The following IRAK3 variants were observed in gnomAD, a reference collection of about 807,000 sequenced individuals.
IRAK3 encodes the protein interleukin-1 receptor-associated kinase 3.
In IRAK3, 57 loss-of-function variants were observed where a neutral mutation model predicts 56.6. The ratio of observed to expected loss-of-function variants is 1.01; its 90% CI spans 0.81 to 1.26. The LOEUF (loss-of-function observed/expected upper bound fraction) is 1.26. IRAK3 is among the 50% of genes most tolerant of loss of function. The pLI is 0.00. For missense variants in IRAK3, 703 were observed against 719.0 expected, an observed-to-expected ratio of 0.98 and a Z score of 0.25; for synonymous variants, 258 against 255.7, an observed-to-expected ratio of 1.01 and a Z score of -0.09.
rs138350038 is a variant in IRAK3 at position 66,197,913 on chromosome 12, C to CA, written c.134-5788dup. 19,051 of 819,476 alleles carry CA rather than the reference C, an allele frequency of 0.023. 1,623 individuals carry two copies. The African/African-American group carries it at 0.27, about 11-fold the overall frequency. 50.8% of individuals were successfully genotyped at this position (819,476 alleles called of 1,614,324 possible). A position where few individuals can be genotyped will look rare whatever the true frequency, so the allele number is the denominator to read the frequency against. On this transcript the variant is annotated intron_variant, in intron 1 of 11. Transcript: ENST00000261233. ...ACTTTTAAAAGGGAAATTCAGGAATCAAAAAAAAAACAAACAGAGAATGGA... is the reference window on the plus strand; with the variant it reads ...ACTTTTAAAAGGGAAATTCAGGAATCAAAAAAAAAAACAAACAGAGAATGGA...
At chr12:66,233,790 T>C (rs1407267062) in intron 8 of IRAK3, among the ~76,000 whole-genome samples, 1 of 148,056 alleles carries the variant, frequency 6.8e-6, no homozygotes, top group African/African-American at 2.5e-5. Context: ...CTTTTTCTTT[T>C]TTTTTTTTGC....
intron 8 of IRAK3, among the ~76,000 whole-genome samples, chr12:66,232,116 TA>T (rs2052850230): frequency 6.6e-6 from 1 of 152,164 alleles, no homozygotes; most frequent in African/African-American, 2.4e-5. Context: ...ACAAGAATAT[TA>T]TGGAAGAGAC....
chr12:66,197,440 T>C (rs910640021), intron 1 of IRAK3: 1 of 984,298 alleles, frequency 1.0e-6, no homozygotes, highest in African/African-American at 1.7e-5. Flanking sequence ...TTTATAGAAT[T>C]GGATCTAAAT....
At chr12:66,193,934 G>A (rs2052424326) in intron 1 of IRAK3, among the ~76,000 whole-genome samples, 1 of 152,152 alleles carries the variant, frequency 6.6e-6, no homozygotes, top group South Asian at 2.1e-4. Flanking sequence ...TTGTGTTGCT[G>A]TTGTTGTTTT....
Position 66,213,198 on chromosome 12 carries a change from T to G in IRAK3, c.588+1601T>G, listed in dbSNP as rs187383539. Among the ~76,000 whole-genome samples, 806 of 152,228 alleles carry G rather than the reference T, an allele frequency of 5.3e-3. 19 individuals carry two copies. Among genetic ancestry groups the G allele is most frequent in the African/African-American group, 0.019 (775 of 41,524 alleles). On this transcript the variant is annotated intron_variant, in intron 5 of 11. Coordinates refer to ENST00000261233, the MANE Select transcript of IRAK3 (RefSeq NM_007199.3). ...AAGTTGTGCAGGGAAACTCCCATTTTTAAAACCATCAGATCTTGTGAGACT... is the reference window on the plus strand; with the variant it reads ...AAGTTGTGCAGGGAAACTCCCATTTGTAAAACCATCAGATCTTGTGAGACT...
In IRAK3 at chr12:66,250,589, A is replaced by T. The variant is rs2053088889; in HGVS notation, c.*2418A>T. On this transcript the variant is annotated 3_prime_UTR_variant, in exon 12 of 12. Transcript: ENST00000261233. ...CAGAGCTCTCTGATTCACAAAAGAG[A>T]TCATCAAGAATTGACTCTGTGTTAA... is the stretch of plus-strand genomic sequence containing the variant. 6.6e-6 allele frequency: 1 copy of T among 152,218 alleles called. No homozygotes were observed. 9.4% of individuals were successfully genotyped at this position (152,218 alleles called of 1,614,324 possible). A position where few individuals can be genotyped will look rare whatever the true frequency, so the allele number is the denominator to read the frequency against.
At chr12:66,219,464 GT>G (rs1390169746) in intron 6 of IRAK3, among the ~76,000 whole-genome samples, 2 of 152,206 alleles carry the variant, frequency 1.3e-5, no homozygotes, top group Non-Finnish European at 2.9e-5. Flanking sequence ...CACCATGATT[GT>G]GGGGCATCCC....
At chr12:66,246,192 G>T (rs559301368) in intron 11 of IRAK3, among the ~76,000 whole-genome samples, 8 of 152,208 alleles carry the variant, frequency 5.3e-5, no homozygotes. Flanking sequence ...TGAAAAACAG[G>T]TTGGATTTAG....
intron 8 of IRAK3, among the ~76,000 whole-genome samples, chr12:66,241,283 G>T (rs561766175): frequency 6.6e-6 from 1 of 152,106 alleles, no homozygotes; most frequent in African/African-American, 2.4e-5. Context: ...AGAACAAATC[G>T]ATTGTAGAAG....
intron 5 of IRAK3, among the ~76,000 whole-genome samples, chr12:66,215,657 A>T (rs879469299): frequency 3.9e-5 from 6 of 152,186 alleles, no homozygotes; most frequent in Admixed American, 3.9e-4. Flanking sequence ...AATACCTGAG[A>T]TTACCAAGGT....
chr12:66,194,776 C>G (rs564538682), intron 1 of IRAK3, among the ~76,000 whole-genome samples: 1 of 150,962 alleles, frequency 6.6e-6, no homozygotes, highest in African/African-American at 2.4e-5. Flanking sequence ...TTGCAGTGAG[C>G]CGGGATCACA....
intron 8 of IRAK3, among the ~76,000 whole-genome samples, chr12:66,228,671 A>G (rs1733184929): frequency 9.7e-6 from 1 of 103,214 alleles, no homozygotes; most frequent in Admixed American, 1.1e-4. Context: ...ATTCAACAAA[A>G]TGATTTTTTT....
intron 6 of IRAK3, among the ~76,000 whole-genome samples, chr12:66,223,796 C>G (rs1399434345): frequency 6.6e-6 from 1 of 150,976 alleles, no homozygotes; most frequent in Non-Finnish European, 1.5e-5. Context: ...TCACTGCAAG[C>G]TCTTCCTCCT....
chr12:66,235,579 C>G (rs1351419781), intron 8 of IRAK3, among the ~76,000 whole-genome samples: 1 of 151,830 alleles, frequency 6.6e-6, no homozygotes, highest in African/African-American at 2.4e-5. Flanking sequence ...GCGGCGTCGC[C>G]GACTCTCCCG....
At chr12:66,212,673 T>C (rs1484073451) in intron 5 of IRAK3, among the ~76,000 whole-genome samples, 3 of 152,038 alleles carry the variant, frequency 2.0e-5, no homozygotes, top group East Asian at 1.9e-4. Context: ...CAGAAGCACA[T>C]AAAAGATAGC....
chr12:66,197,294 A>T, intron 1 of IRAK3: 1 of 1,099,936 alleles, frequency 9.1e-7, no homozygotes, highest in Non-Finnish European at 1.1e-6. Flanking sequence ...TTTTTATTTG[A>T]TATGTACTGC....
intron 5 of IRAK3, among the ~76,000 whole-genome samples, chr12:66,214,507 T>A (rs940846916): frequency 1.3e-5 from 2 of 151,596 alleles, no homozygotes; most frequent in Non-Finnish European, 2.9e-5. Context: ...CGCCACTGCA[T>A]TTCAGTGTGG....
intron 11 of IRAK3, among the ~76,000 whole-genome samples, chr12:66,246,887 A>T (rs2053038410): frequency 6.6e-6 from 1 of 152,208 alleles, no homozygotes; most frequent in Admixed American, 6.5e-5. Flanking sequence ...TCTAACATAC[A>T]GATTCCTGGA....
At chr12:66,238,702 A>G (rs1402818972) in intron 8 of IRAK3, among the ~76,000 whole-genome samples, 1 of 152,208 alleles carries the variant, frequency 6.6e-6, no homozygotes, top group Non-Finnish European at 1.5e-5. Flanking sequence ...CTAAGGAAGA[A>G]GCTGTCAAAG....
Sources: allele counts gnomAD v4.1 joint callset (sites outside exome capture counted in the v4.1 genomes callset), GRCh38; gene constraint gnomAD v4.1.1; transcripts MANE v1.5; gene names NCBI Gene and HGNC (gene_info 2026-07-23, HGNC 2026-07-21).